ZNF664: variants seen among roughly 807,000 people sequenced by gnomAD.
ZNF664 encodes the protein zinc finger Organ of Corti 1.
A neutral mutation model predicts 18.2 loss-of-function variants in ZNF664; 10 were observed. The observed-to-expected ratio is 0.55, with a 90% CI of 0.34 to 0.93. The LOEUF is 0.93. ZNF664 is among the 40% of genes least tolerant of loss of function. ZNF664 has a pLI of 0.02. For synonymous variants in ZNF664, 119 were observed against 104.2 expected (o/e 1.14, Z -0.86); for missense variants, 193 against 319.0 (o/e 0.61, Z 3.01).
At chr12:123,979,663 T>A (rs2138325455) in intron 2 of ZNF664, among the ~76,000 whole-genome samples, 1 of 152,236 alleles carries the variant, frequency 6.6e-6, no homozygotes, top group South Asian at 2.1e-4. Flanking sequence ...AGTAGCGTTT[T>A]GTTTTTTGTG....
rs1358379394 is a variant in ZNF664 at position 124,014,044 on chromosome 12, C to A, written c.*1114C>A. 1.8e-5 allele frequency: 3 copies of A among 167,126 alleles called. No individual in the cohort carries two copies. The highest frequency in any genetic ancestry group is 4.4e-5 in the Non-Finnish European group (3 of 68,146). 10.4% of individuals were successfully genotyped at this position (167,126 alleles called of 1,614,324 possible). A position where few individuals can be genotyped will look rare whatever the true frequency, so the allele number is the denominator to read the frequency against. On this transcript the variant is annotated 3_prime_UTR_variant, in exon 5 of 5. Transcript: ENST00000337815. ...CTGGGAATACCACTGATGAGACAGA[C>A]AAGGTCCCTACTCTTGTGGAGTTTA...
At chr12:123,992,230 G>C (rs1278730972) in intron 3 of ZNF664, among the ~76,000 whole-genome samples, 3 of 152,176 alleles carry the variant, frequency 2.0e-5, no homozygotes, top group African/African-American at 7.2e-5. Context: ...AAAGTGGTCT[G>C]AGGGTGGAGA....
chr12:123,981,735 C>G (rs1956766946), intron 2 of ZNF664, among the ~76,000 whole-genome samples: 1 of 152,184 alleles, frequency 6.6e-6, no homozygotes, highest in African/African-American at 2.4e-5. Flanking sequence ...TCTTATAGGA[C>G]ACATAGGTGT....
At chr12:123,989,266 T>C (rs1325599079) in intron 3 of ZNF664, 1 of 152,442 alleles carries the variant, frequency 6.6e-6, no homozygotes, top group Non-Finnish European at 1.5e-5. Context: ...TGACCACCTC[T>C]CTTCCTTTTC....
intron 1 of ZNF664, 87 bp from the exon 2 acceptor site, chr12:123,973,799 G>C (rs1956636068): frequency 1.6e-6 from 2 of 1,229,552 alleles, no homozygotes; most frequent in South Asian, 8.5e-5. Context: ...GCGGGTCCCG[G>C]GAGAGGCGGT....
At chr12:124,002,850 C>T (rs1161240287) in intron 3 of ZNF664, among the ~76,000 whole-genome samples, 7 of 150,644 alleles carry the variant, frequency 4.6e-5, no homozygotes, top group East Asian at 1.9e-4. Flanking sequence ...TTTTAGATCA[C>T]GTGACTGGTG....
In ZNF664 at chr12:123,973,283, G is replaced by C. The variant is rs1335257723; in HGVS notation, c.-961G>C. 9.9e-7 allele frequency: 1 copy of C among 1,007,214 alleles called. No individual in the cohort carries two copies. Among genetic ancestry groups the C allele is most frequent in the Non-Finnish European group, 1.2e-6 (1 of 847,756 alleles). 62.4% of individuals were successfully genotyped at this position (1,007,214 alleles called of 1,614,324 possible). A position where few individuals can be genotyped will look rare whatever the true frequency, so the allele number is the denominator to read the frequency against. ...GCGCGGCTCGGAGGCGCACCTGTGAGGTGTCCCTGAGGAGAGGGAGGTGGG... is the reference window on the plus strand; with the variant it reads ...GCGCGGCTCGGAGGCGCACCTGTGACGTGTCCCTGAGGAGAGGGAGGTGGG... On this transcript the variant is annotated 5_prime_UTR_variant, in exon 1 of 5. Coordinates refer to ENST00000337815, the MANE Select transcript of ZNF664 (RefSeq NM_152437.3).
At chr12:123,987,896 A>G in intron 2 of ZNF664, 147 bp from the exon 3 acceptor site, 1 of 1,154,172 alleles carries the variant, frequency 8.7e-7, no homozygotes. Context: ...AATCCCATAT[A>G]TTTATATAAA....
chr12:123,973,519 C>G (rs1470106011), intron 1 of ZNF664, 167 bp downstream of exon 1: 5 of 407,046 alleles, frequency 1.2e-5, no homozygotes, highest in Non-Finnish European at 1.3e-5. Flanking sequence ...AAGGTCAGAG[C>G]GGCTCCGCGC....
At chr12:123,984,262 G>A (rs559132143) in intron 2 of ZNF664, among the ~76,000 whole-genome samples, 2 of 152,318 alleles carry the variant, frequency 1.3e-5, no homozygotes, top group East Asian at 3.9e-4. Context: ...CACAGAGGCC[G>A]TAGGGTCACA....
Position 124,012,973 on chromosome 12 carries a change from C to G in ZNF664, c.*43C>G, listed in dbSNP as rs751442158. ...TTAAAATCTTAAAACCCATAAGTGC[C>G]ACTAGGAAGGAAACCCTGTATATAC... is the stretch of plus-strand genomic sequence containing the variant. On this transcript the variant is annotated 3_prime_UTR_variant, in exon 5 of 5. Coordinates refer to ENST00000337815, the MANE Select transcript of ZNF664 (RefSeq NM_152437.3). The G allele has an allele frequency of 1.3e-6, 2 of 1,588,058 alleles. No homozygotes were observed. Among genetic ancestry groups the G allele is most frequent in the Admixed American group, 3.6e-5 (2 of 55,782 alleles).
intron 2 of ZNF664, chr12:123,974,447 A>T (rs1423572402): frequency 6.4e-6 from 1 of 157,120 alleles, no homozygotes; most frequent in African/African-American, 2.4e-5. Context: ...TTGGCTTCTT[A>T]TTTAGAGAGG....
At chr12:123,994,489 A>G (rs1382691219) in intron 3 of ZNF664, among the ~76,000 whole-genome samples, 1 of 152,230 alleles carries the variant, frequency 6.6e-6, no homozygotes, top group Non-Finnish European at 1.5e-5. Context: ...AAGAGTGGCA[A>G]TATTTACATT....
At chr12:123,979,014 A>T (rs1037177993) in intron 2 of ZNF664, among the ~76,000 whole-genome samples, 29 of 152,342 alleles carry the variant, frequency 1.9e-4, no homozygotes, top group Non-Finnish European at 3.7e-4. Context: ...TAACTAAAAA[A>T]ACCTATAAAA....
At position 124,004,363 on chromosome 12, in the gene ZNF664, G is replaced by C. The variant is rs190391708; in HGVS notation, c.-660-7018G>C. Among the ~76,000 whole-genome samples, 262 of 152,316 alleles carry C rather than the reference G, an allele frequency of 1.7e-3. 2 individuals are homozygous for C. Among genetic ancestry groups the C allele is most frequent in the Middle Eastern group, 6.8e-3 (2 of 294 alleles). ...GAGGTCCTGAGGGAGCAAAGAAAAG[G>C]TTCCATAGGATTAACAGAGCAGAAA... On this transcript the variant is annotated intron_variant, in intron 3 of 4. Transcript: ENST00000337815.
intron 3 of ZNF664, among the ~76,000 whole-genome samples, chr12:124,009,716 A>G (rs1383683407): frequency 2.6e-5 from 4 of 151,910 alleles, no homozygotes; most frequent in Non-Finnish European, 5.9e-5. Flanking sequence ...GGGTCTCCCT[A>G]TGTTGCCCAG....
intron 3 of ZNF664, among the ~76,000 whole-genome samples, chr12:123,997,202 G>GCAC: frequency 6.6e-6 from 1 of 152,298 alleles, no homozygotes; most frequent in Middle Eastern, 3.4e-3. Flanking sequence ...TGTGAAATAA[G>GCAC]CACCATCCAT....
At chr12:123,973,660 AGGGCGAGGCC>A (rs1315513810) in intron 1 of ZNF664, 73 of 657,296 alleles carry the variant, frequency 1.1e-4, no homozygotes, top group Non-Finnish European at 1.4e-4. Flanking sequence ...GGCAGCGGGC[AGGGCGAGGCC>A]GGGCGAGGCC....
At position 124,011,938 on chromosome 12, in the gene ZNF664, C is replaced by T; in HGVS notation, c.-207C>T. 1.4e-6 allele frequency: 2 copies of T among 1,389,820 alleles called. No homozygotes were observed. Among genetic ancestry groups the T allele is most frequent in the Non-Finnish European group, 1.9e-6 (2 of 1,079,800 alleles). 86.1% of individuals were successfully genotyped at this position (1,389,820 alleles called of 1,614,324 possible). ...TGTCACTTTATAATCGATAATAATA[C>T]TGAGTGAGGAACACTATGCAGGAAG... On this transcript the variant is annotated 5_prime_UTR_variant, in exon 5 of 5. Coordinates refer to ENST00000337815, the MANE Select transcript of ZNF664 (RefSeq NM_152437.3).
Sources: allele counts gnomAD v4.1 joint callset (sites outside exome capture counted in the v4.1 genomes callset), GRCh38; gene constraint gnomAD v4.1.1; transcripts MANE v1.5; gene names NCBI Gene and HGNC (gene_info 2026-07-23, HGNC 2026-07-21).